Variants in ADGRL3 observed in about 807,000 individuals in gnomAD.
ADGRL3 encodes the protein calcium-independent alpha-latrotoxin receptor 3.
ADGRL3 carries 62 observed loss-of-function variants against 153.5 expected under a neutral mutation model. That is an observed-to-expected ratio of 0.40 (90% CI 0.33 to 0.50). The LOEUF (loss-of-function observed/expected upper bound fraction) is 0.50, where lower values mean the gene tolerates loss of function less well. Among genes scored for constraint, ADGRL3 ranks in the 20% least tolerant of loss-of-function variants. ADGRL3 has a pLI of 0.47. For synonymous variants in ADGRL3, 710 were observed against 672.5 expected, an observed-to-expected ratio of 1.06 and a Z score of -0.86; for missense variants, 1,641 against 1,859.4, an observed-to-expected ratio of 0.88 and a Z score of 2.16.
Position 62,044,526 on chromosome 4 carries a change from A to G in ADGRL3, c.3791A>G (p.Asn1264Ser), listed in dbSNP as rs1180082292. 12 of 1,592,778 alleles carry G rather than the reference A, an allele frequency of 7.5e-6. No individual in the cohort carries two copies. Among genetic ancestry groups the G allele is most frequent in the East Asian group, 2.3e-5 (1 of 43,900 alleles). The stretch of plus-strand genomic sequence containing the variant: ...TCTTCCTTTATTACTGGAGACATAA[A>G]CAGTTCAGCGTCACTCAACAGAGGT... ...SESSFITGDI[N>S]SSASLNREPY... The change falls in exon 25 of 27, where the codon AAC becomes AGC. Residue 1264 changes from asparagine to serine, a missense_variant. Asn to Ser is a conservative substitution (Grantham distance 46). Around this residue, in one of 5 missense-constraint regions of ADGRL3, gnomAD observed 517 missense variants for 555.0 expected, o/e 0.93. Coordinates refer to ENST00000683033, the MANE Select transcript of ADGRL3 (RefSeq NM_001387552.1).
chr4:61,329,935 C>G (rs781042468), intron 1 of ADGRL3, among the ~76,000 whole-genome samples: 3 of 152,126 alleles, frequency 2.0e-5, no homozygotes, highest in African/African-American at 7.2e-5. Context: ...ATTGGGCCTC[C>G]TTGAGGGCCT....
chr4:61,380,045 C>T (rs1030604022), intron 1 of ADGRL3, among the ~76,000 whole-genome samples: 3 of 151,016 alleles, frequency 2.0e-5, no homozygotes, highest in African/African-American at 7.3e-5. Context: ...TTTAACTTGC[C>T]AAAAAAGTAA....
At chr4:61,470,993 G>T (rs2097945015) in intron 2 of ADGRL3, among the ~76,000 whole-genome samples, 1 of 151,668 alleles carries the variant, frequency 6.6e-6, no homozygotes, top group South Asian at 2.1e-4. Flanking sequence ...GATTCAGTAG[G>T]ACTTAAATAC....
intron 13 of ADGRL3, among the ~76,000 whole-genome samples, chr4:61,934,590 A>G (rs887033216): frequency 1.3e-5 from 2 of 152,206 alleles, no homozygotes; most frequent in Non-Finnish European, 2.9e-5. Context: ...CTAAGAAGCA[A>G]GCATGCCTTT....
chr4:61,905,149 T>C (rs2098689325), intron 11 of ADGRL3, among the ~76,000 whole-genome samples: 1 of 152,166 alleles, frequency 6.6e-6, no homozygotes, highest in Non-Finnish European at 1.5e-5. Context: ...TGGAACATTA[T>C]AGGAATTCCA....
intron 5 of ADGRL3, among the ~76,000 whole-genome samples, chr4:61,671,828 C>T (rs1204889631): frequency 6.6e-6 from 1 of 152,044 alleles, no homozygotes; most frequent in Admixed American, 6.6e-5. Context: ...CACAAGACAG[C>T]AGTATCATGA....
chr4:61,768,918 T>C (rs908412324), intron 8 of ADGRL3, among the ~76,000 whole-genome samples: 2 of 150,572 alleles, frequency 1.3e-5, no homozygotes, highest in Non-Finnish European at 3.0e-5. Flanking sequence ...GGTGCAGAGA[T>C]AAGAGGTTGG....
chr4:61,663,594 G>T (rs1307085180), intron 5 of ADGRL3, among the ~76,000 whole-genome samples: 1 of 152,160 alleles, frequency 6.6e-6, no homozygotes, highest in African/African-American at 2.4e-5. Context: ...AGTGCAGCCT[G>T]CCAGGTCAAG....
chr4:61,582,541 G>A (rs923197402), intron 4 of ADGRL3, among the ~76,000 whole-genome samples: 7 of 151,790 alleles, frequency 4.6e-5, no homozygotes, highest in African/African-American at 1.7e-4. Flanking sequence ...TGATTGCATA[G>A]TATTCTGTGG....
intron 1 of ADGRL3, among the ~76,000 whole-genome samples, chr4:61,307,938 A>G (rs758430948): frequency 1.2e-4 from 18 of 152,182 alleles, no homozygotes; most frequent in Non-Finnish European, 2.5e-4. Flanking sequence ...GATTGTTAAG[A>G]CTGATTTTAA....
intron 2 of ADGRL3, among the ~76,000 whole-genome samples, chr4:61,430,782 A>G (rs1470007835): frequency 6.6e-6 from 1 of 152,166 alleles, no homozygotes; most frequent in Non-Finnish European, 1.5e-5. Context: ...CTAAATGACT[A>G]TGTAGAATTA....
At chr4:61,457,344 T>A (rs559004626) in intron 2 of ADGRL3, among the ~76,000 whole-genome samples, 28 of 151,940 alleles carry the variant, frequency 1.8e-4, no homozygotes, top group Non-Finnish European at 1.9e-4. Flanking sequence ...TAAACAAAAG[T>A]TAATGCAATG....
chr4:61,365,139 C>CGACT (rs1245072039), intron 1 of ADGRL3, among the ~76,000 whole-genome samples: 1 of 151,960 alleles, frequency 6.6e-6, no homozygotes, highest in Non-Finnish European at 1.5e-5. Context: ...AATGCAGATA[C>CGACT]ATACTGCCCA....
chr4:61,516,510 A>G (rs184992971), intron 3 of ADGRL3, among the ~76,000 whole-genome samples: 1 of 152,082 alleles, frequency 6.6e-6, no homozygotes, highest in East Asian at 1.9e-4. Context: ...AATTTATCAA[A>G]AAAAATCCTA....
At chr4:61,503,310 G>A (rs960893004) in intron 3 of ADGRL3, among the ~76,000 whole-genome samples, 3 of 151,978 alleles carry the variant, frequency 2.0e-5, no homozygotes, top group Non-Finnish European at 2.9e-5. Flanking sequence ...GAGTAAAATA[G>A]CATTTTTCTA....
chr4:61,389,597 T>A (rs927052585), intron 2 of ADGRL3, among the ~76,000 whole-genome samples: 12 of 152,138 alleles, frequency 7.9e-5, no homozygotes, highest in East Asian at 5.8e-4. Context: ...CCCTTTTTTT[T>A]ATAGAAAATT....
chr4:61,586,960 T>G (rs2098948912), intron 4 of ADGRL3, among the ~76,000 whole-genome samples: 1 of 152,134 alleles, frequency 6.6e-6, no homozygotes, highest in Middle Eastern at 3.4e-3. Context: ...GCCAAGAGTT[T>G]AATAGAAAAT....
intron 17 of ADGRL3, among the ~76,000 whole-genome samples, chr4:61,971,951 T>C (rs1023780312): frequency 5.9e-5 from 9 of 152,158 alleles, no homozygotes; most frequent in African/African-American, 1.9e-4. Context: ...TGCACAAATG[T>C]CTTCTTTTGA....
chr4:61,755,315 C>T (rs1461463416), intron 8 of ADGRL3, among the ~76,000 whole-genome samples: 1 of 152,070 alleles, frequency 6.6e-6, no homozygotes, highest in Non-Finnish European at 1.5e-5. Flanking sequence ...ACCATTCTAA[C>T]TGGTGTGAGA....
Sources: allele counts gnomAD v4.1 joint callset (sites outside exome capture counted in the v4.1 genomes callset), GRCh38; gene constraint gnomAD v4.1.1; regional missense constraint gnomAD v4.1.1; transcripts MANE v1.5; gene names NCBI Gene and HGNC (gene_info 2026-07-23, HGNC 2026-07-21).